Variants in PCBP2 observed in about 807,000 individuals in gnomAD.
PCBP2 encodes the protein poly(rC)-binding protein 2.
A neutral mutation model predicts 50.1 loss-of-function variants in PCBP2; 4 were observed. The ratio of observed to expected loss-of-function variants is 0.08; its 90% CI spans 0.04 to 0.18. The LOEUF is 0.18. Among genes scored for constraint, PCBP2 ranks in the 10% least tolerant of loss-of-function variants. The pLI is 1.00. For synonymous variants in PCBP2, 179 were observed against 168.0 expected, an observed-to-expected ratio of 1.07 and a Z score of -0.51; for missense variants, 161 against 474.3, an observed-to-expected ratio of 0.34 and a Z score of 6.14.
intron 7 of PCBP2, 100 bp from the exon 8 acceptor site, chr12:53,462,390 ATAG>A (rs1450965030): frequency 2.4e-6 from 2 of 832,690 alleles, no homozygotes; most frequent in Non-Finnish European, 3.8e-6. Context: ...GGGGATGGAA[ATAG>A]TTTTTAATTT....
Position 53,480,413 on chromosome 12 carries a change from CAG to C in PCBP2, c.*973_*974del, listed in dbSNP as rs1240820431. The C allele has an allele frequency of 6.6e-6, 1 of 152,450 alleles. No homozygotes were observed. The highest frequency in any genetic ancestry group is 1.9e-4 in the East Asian group (1 of 5,196). The allele number at this position is 152,450 out of a possible 1,614,324, so 9.4% of individuals were successfully genotyped here. On this transcript the variant is annotated 3_prime_UTR_variant, in exon 15 of 15. Transcript: ENST00000546463. The stretch of plus-strand genomic sequence containing the variant: ...GGCAGGAGAACTTCTCCAGACACCT[CAG>C]ATAAAGTCCGGAGCCCAAGGCTTTA...
intron 13 of PCBP2, among the ~76,000 whole-genome samples, chr12:53,469,513 A>T (rs1263410676): frequency 6.6e-6 from 1 of 151,788 alleles, no homozygotes; most frequent in East Asian, 2.0e-4. Context: ...CTGAGCTTGG[A>T]AGTTCGAGAC....
Position 53,461,035 on chromosome 12 carries a change from G to A in PCBP2, c.396G>A (p.Gln132=), listed in dbSNP as rs1592649303. The A allele has an allele frequency of 1.2e-6, 2 of 1,613,584 alleles. No homozygotes were observed. ...EIRESTGAQV[Q]VAGDMLPNST... ...CAAAGAGTACAGGGGCTCAGGTCCA[G>A]GTGGCAGGGGATATGCTACCCAACT... Residue 132 remains glutamine (Q), a synonymous_variant, in exon 7 of 15, where the codon CAG becomes CAA. Transcript: ENST00000546463.
chr12:53,476,299 T>C (rs557767292), intron 14 of PCBP2, among the ~76,000 whole-genome samples: 1 of 152,304 alleles, frequency 6.6e-6, no homozygotes, highest in East Asian at 1.9e-4. Context: ...AACTAATCTG[T>C]AACACATTGA....
chr12:53,463,681 G>A (rs1941609799), intron 8 of PCBP2, among the ~76,000 whole-genome samples: 1 of 152,152 alleles, frequency 6.6e-6, no homozygotes, highest in Admixed American at 6.5e-5. Flanking sequence ...CACCAATAAC[G>A]TAGGGACACC....
intron 11 of PCBP2, 37 bp downstream of exon 11, chr12:53,467,330 G>A (rs1233872990): frequency 6.6e-7 from 1 of 1,507,584 alleles, no homozygotes; most frequent in Admixed American, 1.7e-5. Flanking sequence ...GTAAGGTGTA[G>A]TGCAAGAGAG....
intron 7 of PCBP2, among the ~76,000 whole-genome samples, chr12:53,461,834 A>G (rs1941468350): frequency 6.6e-6 from 1 of 151,962 alleles, no homozygotes; most frequent in Admixed American, 6.6e-5. Flanking sequence ...CTGTCTCCCC[A>G]GTAGCTTGGT....
chr12:53,478,598 G>GT (rs1242233077), intron 14 of PCBP2, among the ~76,000 whole-genome samples: 1 of 152,220 alleles, frequency 6.6e-6, no homozygotes, highest in Non-Finnish European at 1.5e-5. Flanking sequence ...GAGGTCAGGA[G>GT]TTTAAGACCT....
rs761386808 is a variant in PCBP2, at chr12:53,467,304, C to T, written c.787+11C>T. On this transcript the variant is annotated intron_variant, in intron 11 of 14. Coordinates refer to ENST00000546463, the MANE Select transcript of PCBP2 (RefSeq NM_031989.5). ...ACACCGGATTCAGTGGTATGGATAC[C>T]TCAGTGTTTATTTCTGTAAGGTGTA... 1.9e-6 allele frequency: 3 copies of T among 1,604,216 alleles called. No homozygotes were observed. Among genetic ancestry groups the T allele is most frequent in the Admixed American group, 1.7e-5 (1 of 59,990 alleles).
chr12:53,464,748 A>G lies in PCBP2; in HGVS notation c.580-12A>G. The G allele has an allele frequency of 1.9e-6, 3 of 1,611,360 alleles. No individual in the cohort carries two copies. Among genetic ancestry groups the G allele is most frequent in the Non-Finnish European group, 2.5e-6 (3 of 1,178,922 alleles). ...ACAGCCCTGGAGACTGAAATCCTCTATTTATCCACAGGACAGGTACAGCAC... is the reference window on the plus strand; with the variant it reads ...ACAGCCCTGGAGACTGAAATCCTCTGTTTATCCACAGGACAGGTACAGCAC... On this transcript the variant is annotated splice_polypyrimidine_tract_variant and intron_variant, in intron 8 of 14. Coordinates refer to ENST00000546463, the MANE Select transcript of PCBP2 (RefSeq NM_031989.5).
intron 13 of PCBP2, among the ~76,000 whole-genome samples, chr12:53,469,696 C>T (rs1289417613): frequency 6.6e-6 from 1 of 151,468 alleles, no homozygotes; most frequent in African/African-American, 2.4e-5. Flanking sequence ...CATCGCACTC[C>T]AGCCTGGGCA....
At chr12:53,470,900 TTATC>T (rs1942185007) in intron 13 of PCBP2, among the ~76,000 whole-genome samples, 1 of 152,246 alleles carries the variant, frequency 6.6e-6, no homozygotes, top group Non-Finnish European at 1.5e-5. Context: ...ATTTCTACCT[TTATC>T]TATTTCTAGC....
At chr12:53,475,364 T>C (rs1016974130) in intron 14 of PCBP2, 8 of 359,906 alleles carry the variant, frequency 2.2e-5, no homozygotes, top group African/African-American at 1.3e-4. Flanking sequence ...GGGGGAGTGG[T>C]AACCCTTGTT....
chr12:53,470,512 C>G (rs374548830), intron 13 of PCBP2, among the ~76,000 whole-genome samples: 1 of 151,642 alleles, frequency 6.6e-6, no homozygotes, highest in Admixed American at 6.6e-5. Context: ...TTAAGAGATC[C>G]TCCCATCTCA....
At position 53,454,706 on chromosome 12, in the gene PCBP2, TG is replaced by T; in HGVS notation, c.-75-18del. 1 of 820,290 alleles carries T rather than the reference TG, an allele frequency of 1.2e-6. No homozygotes were observed. Among genetic ancestry groups the T allele is most frequent in the Non-Finnish European group, 2.1e-6 (1 of 469,262 alleles). 50.8% of individuals were successfully genotyped at this position (820,290 alleles called of 1,614,324 possible). On this transcript the variant is annotated intron_variant, in intron 1 of 14. Coordinates refer to ENST00000546463, the MANE Select transcript of PCBP2 (RefSeq NM_031989.5). ...CCTTGTTGTTTTCCTCCTCTGATTT[TG>T]GTCATGTTTGCATTTTAGTTTTTGG...
chr12:53,475,390 T>G (rs917443949), intron 14 of PCBP2: 5 of 341,992 alleles, frequency 1.5e-5, no homozygotes, highest in African/African-American at 8.6e-5. Context: ...TTAGGCCATT[T>G]CAGCTGAGTG....
At chr12:53,468,479 C>A in intron 12 of PCBP2, 1 of 399,256 alleles carries the variant, frequency 2.5e-6, no homozygotes, top group South Asian at 3.3e-5. Context: ...GACATTGGTC[C>A]TTTTTGAGGA....
At chr12:53,459,054 ATATATT>A (rs150554811) in intron 5 of PCBP2, among the ~76,000 whole-genome samples, 2,250 of 152,252 alleles carry the variant, frequency 0.015, 61 homozygotes, top group African/African-American at 0.052. Flanking sequence ...GTGAAGGAAA[ATATATT>A]TATGGCTAAT....
intron 14 of PCBP2, among the ~76,000 whole-genome samples, chr12:53,477,665 C>CAAAAAAAA (rs61213286): frequency 3.2e-4 from 17 of 52,886 alleles, no homozygotes; most frequent in African/African-American, 1.3e-3. Flanking sequence ...GACTCTGTCT[C>CAAAAAAAA]AAAAAAAAAA....
Sources: gnomAD v4.1 joint callset for allele counts (sites outside exome capture counted in the v4.1 genomes callset) on GRCh38, gnomAD v4.1.1 for gene constraint, MANE v1.5 for transcripts, NCBI Gene and HGNC (gene_info 2026-07-23, HGNC 2026-07-21) for gene names.